SMG1: variants seen among roughly 807,000 people sequenced by gnomAD.
SMG1 encodes serine/threonine-protein kinase SMG1.
A neutral mutation model predicts 419.9 loss-of-function variants in SMG1; 22 were observed. The ratio of observed to expected loss-of-function variants is 0.05; its 90% CI spans 0.04 to 0.07. The LOEUF is 0.07. SMG1 is among the 10% of genes least tolerant of loss of function. SMG1 has a pLI of 1.00. For synonymous variants in SMG1, 1,538 were observed against 1,553.5 expected (o/e 0.99, Z 0.23); for missense variants, 3,185 against 4,342.0 (o/e 0.73, Z 7.49).
Position 18,866,682 on chromosome 16 carries a change from A to C in SMG1, c.3289T>G (p.Ser1097Ala). The C allele has an allele frequency of 6.3e-7, 1 of 1,594,778 alleles. No homozygotes were observed. The highest frequency in any genetic ancestry group is 8.5e-7 in the Non-Finnish European group (1 of 1,177,248). The change falls in exon 23 of 63, where the codon TCA becomes GCA. Residue 1097 changes from serine (S) to alanine (A), a missense_variant. By Grantham distance (99) the Ser-to-Ala change is moderately conservative. Coordinates refer to ENST00000446231, the MANE Select transcript of SMG1 (RefSeq NM_015092.5). ...EAIQGIAVWS[S>A]SIVGKNLLWI... Reference sequence around the variant, plus strand: ...AGAAGATTTTTTCCAACAATAGATGATGACCAGACAGCAATTCCCTGTATA... The same window carrying C: ...AGAAGATTTTTTCCAACAATAGATGCTGACCAGACAGCAATTCCCTGTATA...
intron 1 of SMG1, among the ~76,000 whole-genome samples, chr16:18,921,760 T>C (rs1237771782): frequency 6.6e-6 from 1 of 152,236 alleles, no homozygotes; most frequent in Non-Finnish European, 1.5e-5. Context: ...ATCCAGCTTC[T>C]CACAACATCA....
intron 35 of SMG1, 97 bp downstream of exon 35, chr16:18,849,852 A>T: frequency 8.5e-7 from 1 of 1,174,548 alleles, no homozygotes; most frequent in South Asian, 1.6e-5. Flanking sequence ...TATTCTTTTT[A>T]CACATTCAAA....
At position 18,805,848 on chromosome 16, in the gene SMG1, A is replaced by C. The variant is rs1236834534; in HGVS notation, c.*3721T>G. On this transcript the variant is annotated 3_prime_UTR_variant, in exon 63 of 63. Coordinates refer to ENST00000446231, the MANE Select transcript of SMG1 (RefSeq NM_015092.5). ...CATACTCTAATTTTATGTAAAACAA[A>C]GATGCTTAAATGTGCGAATAGTAAA... 6.6e-6 allele frequency: 1 copy of C among 152,494 alleles called. No individual in the cohort carries two copies. The allele number at this position is 152,494 out of a possible 1,614,324, so 9.4% of individuals were successfully genotyped here.
chr16:18,834,483 C>CA, intron 49 of SMG1, 45 bp from the exon 50 acceptor site: 1 of 1,559,890 alleles, frequency 6.4e-7, no homozygotes, highest in Non-Finnish European at 8.7e-7. Context: ...AATGTATAAA[C>CA]AAAACAAGGT....
chr16:18,889,738 ATAC>A (rs2036795019), intron 5 of SMG1, among the ~76,000 whole-genome samples, 153 bp from the exon 6 acceptor site: 2 of 152,166 alleles, frequency 1.3e-5, no homozygotes, highest in South Asian at 4.1e-4. Flanking sequence ...TCCACTCTAA[ATAC>A]TACAGTCTGT....
At chr16:18,845,738 G>A (rs2034223230) in intron 38 of SMG1, 87 bp from the exon 39 acceptor site, 1 of 962,296 alleles carries the variant, frequency 1.0e-6, no homozygotes, top group East Asian at 2.4e-5. Flanking sequence ...TATATCAATT[G>A]TTAAGTAAAC....
intron 1 of SMG1, among the ~76,000 whole-genome samples, chr16:18,913,599 CTATTAA>C (rs1482506696): frequency 6.6e-6 from 1 of 151,732 alleles, no homozygotes; most frequent in African/African-American, 2.4e-5. Flanking sequence ...TTTTTCTAGG[CTATTAA>C]TATATTAGAT....
At chr16:18,812,643 C>CACAT (rs879421299) in intron 60 of SMG1, among the ~76,000 whole-genome samples, 13,399 of 133,354 alleles carry the variant, frequency 0.1, 868 homozygotes, top group Non-Finnish European at 0.14. Flanking sequence ...TATATATACA[C>CACAT]ATATACACAC....
At position 18,916,442 on chromosome 16, in the gene SMG1, G is replaced by C. The variant is rs1457812436; in HGVS notation, c.92+9508C>G. Among the ~76,000 whole-genome samples the C allele has an allele frequency of 9.3e-5, 14 of 149,752 alleles. 1 individual carries two copies. The South Asian group carries it at 3.0e-3, about 32-fold the overall frequency. ...AGGCAGGAGAATGGCGTGAACCCCGGGGGGTGGAGCCTGCAGTGAGCCGAG... is the reference window on the plus strand; with the variant it reads ...AGGCAGGAGAATGGCGTGAACCCCGCGGGGTGGAGCCTGCAGTGAGCCGAG... On this transcript the variant is annotated intron_variant, in intron 1 of 62. Coordinates refer to ENST00000446231, the MANE Select transcript of SMG1 (RefSeq NM_015092.5).
intron 3 of SMG1, among the ~76,000 whole-genome samples, chr16:18,894,718 A>G (rs1376180191): frequency 6.6e-6 from 1 of 151,912 alleles, no homozygotes; most frequent in Non-Finnish European, 1.5e-5. Context: ...AAATGTCCAA[A>G]AAGTAATTAC....
chr16:18,911,482 T>A (rs975633462), intron 1 of SMG1: 5 of 151,954 alleles, frequency 3.3e-5, no homozygotes, highest in African/African-American at 7.3e-5. Flanking sequence ...CACTCCAGCC[T>A]GGGGGACAGA....
chr16:18,924,919 C>A (rs964666443), intron 1 of SMG1: 1 of 152,178 alleles, frequency 6.6e-6, no homozygotes, highest in Admixed American at 6.6e-5. Context: ...AACAAAAGGG[C>A]TTCCCAACAA....
chr16:18,811,817 C>T lies in SMG1; in HGVS notation c.10852G>A (p.Ala3618Thr), dbSNP rs760024831. 2.5e-6 allele frequency: 4 copies of T among 1,613,888 alleles called. No individual in the cohort carries two copies. Among genetic ancestry groups the T allele is most frequent in the Non-Finnish European group, 2.5e-6 (3 of 1,179,884 alleles). Reference protein sequence around the residue: ...YAVSVWKRVKAKLEGRDVDPN... With the variant: ...YAVSVWKRVKTKLEGRDVDPN... The stretch of plus-strand genomic sequence containing the variant: ...TCAACATCTCGGCCCTCTAACTTGG[C>T]TTTCACTCTCTTCCACACACTCACT... The change falls in exon 62 of 63, where the codon GCC becomes ACC. Residue 3618 changes from alanine (A) to threonine (T), a missense_variant. By Grantham distance (58) the Ala-to-Thr change is moderately conservative. Around this residue, in one of 27 missense-constraint regions of SMG1, gnomAD observed 41 missense variants for 78.7 expected, o/e 0.52. Coordinates refer to ENST00000446231, the MANE Select transcript of SMG1 (RefSeq NM_015092.5).
intron 33 of SMG1, among the ~76,000 whole-genome samples, chr16:18,851,193 T>C (rs1344401055): frequency 6.6e-6 from 1 of 152,276 alleles, no homozygotes; most frequent in Non-Finnish European, 1.5e-5. Flanking sequence ...TTAGATACGC[T>C]GCTGTTTACA....
intron 8 of SMG1, 140 bp downstream of exon 8, chr16:18,884,950 T>A (rs570151574): frequency 4.7e-6 from 3 of 641,572 alleles, no homozygotes; most frequent in Admixed American, 6.0e-5. Context: ...AGCTAACAAG[T>A]AATGTTCATT....
chr16:18,880,500 T>G (rs955146860), intron 10 of SMG1, among the ~76,000 whole-genome samples: 2 of 151,992 alleles, frequency 1.3e-5, no homozygotes, highest in Non-Finnish European at 2.9e-5. Context: ...TTCTCTTGAG[T>G]CCAGGAGTTT....
At chr16:18,921,329 G>A (rs1360766059) in intron 1 of SMG1, among the ~76,000 whole-genome samples, 1 of 152,024 alleles carries the variant, frequency 6.6e-6, no homozygotes, top group Non-Finnish European at 1.5e-5. Context: ...CTGGACAACA[G>A]AGCAAGAGCA....
chr16:18,833,234 T>TC, intron 50 of SMG1, 68 bp from the exon 51 acceptor site: 4 of 1,264,228 alleles, frequency 3.2e-6, no homozygotes, highest in Non-Finnish European at 4.4e-6. Flanking sequence ...TTTGGAGACT[T>TC]AGAGCCATAC....
At chr16:18,827,256 G>A (rs967432558) in intron 55 of SMG1, among the ~76,000 whole-genome samples, 4 of 151,632 alleles carry the variant, frequency 2.6e-5, no homozygotes, top group Admixed American at 6.6e-5. Context: ...GTGAAACCCC[G>A]TCTCTATAAA....
Sources: gnomAD v4.1 joint callset for allele counts (sites outside exome capture counted in the v4.1 genomes callset) on GRCh38, gnomAD v4.1.1 for gene constraint, gnomAD v4.1.1 regional missense constraint, MANE v1.5 for transcripts, NCBI Gene and HGNC (gene_info 2026-07-23, HGNC 2026-07-21) for gene names.